Variants in ADGRE3 observed in about 807,000 individuals in gnomAD.
The protein encoded by ADGRE3 is EGF-like module receptor 3.
ADGRE3 carries 88 observed loss-of-function variants against 80.1 expected under a neutral mutation model. That is an observed-to-expected ratio of 1.10 (90% CI 0.93 to 1.31). The LOEUF (loss-of-function observed/expected upper bound fraction) is 1.31. Ranked by LOEUF, ADGRE3 falls within the 40% of genes most tolerant of loss-of-function variation. ADGRE3 has a pLI of 0.00. For synonymous variants in ADGRE3, 281 were observed against 294.8 expected, an observed-to-expected ratio of 0.95 and a Z score of 0.48; for missense variants, 715 against 776.5, an observed-to-expected ratio of 0.92 and a Z score of 0.94.
intron 11 of ADGRE3, among the ~76,000 whole-genome samples, chr19:14,633,644 G>T (rs1201521730): frequency 6.6e-6 from 1 of 150,542 alleles, no homozygotes; most frequent in Non-Finnish European, 1.5e-5. Flanking sequence ...AGCGGAGCTT[G>T]CAGTGAGCCA....
chr19:14,660,689 C>T (rs1490922622), intron 4 of ADGRE3, among the ~76,000 whole-genome samples: 1 of 151,840 alleles, frequency 6.6e-6, no homozygotes, highest in Non-Finnish European at 1.5e-5. Flanking sequence ...GGTGGTCTAC[C>T]AAGTCTCATC....
chr19:14,667,308 A>G (rs2146907809), intron 2 of ADGRE3, among the ~76,000 whole-genome samples: 1 of 151,118 alleles, frequency 6.6e-6, no homozygotes, highest in East Asian at 1.9e-4. Context: ...TACCTTGCTC[A>G]TGAATGTCTT....
At chr19:14,628,737 C>A (rs10402165) in intron 14 of ADGRE3, 181,070 of 354,220 alleles carry the variant, frequency 0.51, 47,573 homozygotes, top group Non-Finnish European at 0.55. Flanking sequence ...TTTGCCCCTG[C>A]AGACAGCCAG....
rs1971573551 is a variant in ADGRE3, at chr19:14,650,638, TCTCTCTCTCTCTCTCTCTC to T, written c.697+428_697+446del. On this transcript the variant is annotated intron_variant, in intron 7 of 15. Coordinates refer to ENST00000253673, the MANE Select transcript of ADGRE3 (RefSeq NM_032571.5). ...CTTGCTCTCTGTCTCCATCTCTCTC[TCTCTCTCTCTCTCTCTCTC>T]TCTCTCTCTCTCTCTCTCTCTCTCT... Among the ~76,000 whole-genome samples the T allele has an allele frequency of 7.5e-4, 65 of 86,520 alleles. 2 individuals carry two copies. The highest frequency in any genetic ancestry group is 5.7e-3 in the South Asian group (17 of 2,960). The allele number at this position is 86,520 out of a possible 152,430, so 56.8% of individuals were successfully genotyped here.
At chr19:14,659,984 AT>A (rs1302697371) in intron 4 of ADGRE3, among the ~76,000 whole-genome samples, 1 of 152,062 alleles carries the variant, frequency 6.6e-6, no homozygotes, top group Non-Finnish European at 1.5e-5. Flanking sequence ...AATACTGAAC[AT>A]TTTATCTTAA....
chr19:14,617,905 TA>T (rs2075091886), downstream of ADGRE3, among the ~76,000 whole-genome samples: 1 of 152,138 alleles, frequency 6.6e-6, no homozygotes, highest in Admixed American at 6.6e-5. Context: ...AGACAGGTGC[TA>T]AAGAAAAATA....
the ADGRE3 span, among the ~76,000 whole-genome samples, chr19:14,604,038 C>T: frequency 6.6e-6 from 1 of 152,180 alleles, no homozygotes; most frequent in Non-Finnish European, 1.5e-5. Context: ...GCCTGGAGGT[C>T]TTTTCCTGCT....
intron 9 of ADGRE3, among the ~76,000 whole-genome samples, chr19:14,643,462 C>T (rs900141956): frequency 2.6e-5 from 4 of 151,714 alleles, no homozygotes; most frequent in Non-Finnish European, 5.9e-5. Flanking sequence ...ATATCTTTGC[C>T]CTGGGGTCCT....
At chr19:14,665,431 T>C (rs982029684) in intron 2 of ADGRE3, among the ~76,000 whole-genome samples, 3 of 152,102 alleles carry the variant, frequency 2.0e-5, no homozygotes, top group African/African-American at 7.2e-5. Flanking sequence ...AATATGCTAC[T>C]GAAACAAGGG....
chr19:14,619,155 C>T lies in ADGRE3; in HGVS notation c.*278G>A, dbSNP rs2146783705. ...ACTAAGAACTTGAGGAAAAGGACCT[C>T]TTCATTTACAAAAAGTCAAGGAAAT... On this transcript the variant is annotated 3_prime_UTR_variant, in exon 16 of 16. Coordinates refer to ENST00000253673, the MANE Select transcript of ADGRE3 (RefSeq NM_032571.5). The T allele has an allele frequency of 7.2e-6, 3 of 413,812 alleles. No individual in the cohort carries two copies. The South Asian group carries it at 8.0e-5, about 11-fold the overall frequency. 25.6% of individuals were successfully genotyped at this position (413,812 alleles called of 1,614,324 possible).
intron 1 of ADGRE3, among the ~76,000 whole-genome samples, chr19:14,673,271 T>C (rs1393429887): frequency 6.6e-6 from 1 of 152,242 alleles, no homozygotes; most frequent in African/African-American, 2.4e-5. Flanking sequence ...TGATGCAATT[T>C]CTTATCTGTA....
At chr19:14,634,875 C>G (rs961356314) in intron 11 of ADGRE3, among the ~76,000 whole-genome samples, 1 of 152,096 alleles carries the variant, frequency 6.6e-6, no homozygotes, top group African/African-American at 2.4e-5. Flanking sequence ...CAAGAAAACC[C>G]ACGCTTGCTA....
downstream of ADGRE3, among the ~76,000 whole-genome samples, chr19:14,615,017 C>T (rs1174806119): frequency 6.6e-6 from 1 of 151,722 alleles, no homozygotes; most frequent in Non-Finnish European, 1.5e-5. Context: ...TCCCAAGTAG[C>T]TGTGGCTATA....
the ADGRE3 span, chr19:14,607,209 C>A: frequency 3.3e-6 from 1 of 299,702 alleles, no homozygotes; most frequent in Non-Finnish European, 5.7e-6. Flanking sequence ...GGAGCTGTTT[C>A]TTTTTTTTTT....
chr19:14,615,201 TC>T (rs200303389), downstream of ADGRE3, among the ~76,000 whole-genome samples: 3,435 of 82,752 alleles, frequency 0.042, 173 homozygotes, highest in Admixed American at 0.068. Flanking sequence ...ACAGCTGCCT[TC>T]TTTTTTTTTT....
At chr19:14,650,575 TG>T in intron 7 of ADGRE3, among the ~76,000 whole-genome samples, 1 of 151,792 alleles carries the variant, frequency 6.6e-6, no homozygotes, top group East Asian at 1.9e-4. Flanking sequence ...TTTACCCATC[TG>T]CCTCTCCACA....
At chr19:14,600,964 G>A in the ADGRE3 span, among the ~76,000 whole-genome samples, 1 of 123,434 alleles carries the variant, frequency 8.1e-6, no homozygotes, top group Non-Finnish European at 1.6e-5. Flanking sequence ...GTGCAGTGGT[G>A]CAATCTTGGC....
intron 12 of ADGRE3, 50 bp from the exon 13 acceptor site, chr19:14,633,062 G>A (rs147058520): frequency 6.9e-7 from 1 of 1,450,458 alleles, no homozygotes; most frequent in African/African-American, 1.4e-5. Context: ...GTAATGTATG[G>A]TGTCCACTTT....
intron 4 of ADGRE3, among the ~76,000 whole-genome samples, chr19:14,660,720 C>T (rs1971924614): frequency 6.6e-6 from 1 of 151,972 alleles, no homozygotes; most frequent in Non-Finnish European, 1.5e-5. Context: ...TATAGACTTT[C>T]CCATCCATGT....
Sources: allele counts gnomAD v4.1 joint callset (sites outside exome capture counted in the v4.1 genomes callset), GRCh38; gene constraint gnomAD v4.1.1; transcripts MANE v1.5; gene names NCBI Gene and HGNC (gene_info 2026-07-23, HGNC 2026-07-21).